NELL2: variants seen among roughly 807,000 people sequenced by gnomAD.
NELL2 encodes protein kinase C-binding protein NELL2.
NELL2 carries 41 observed loss-of-function variants against 109.6 expected under a neutral mutation model. The ratio of observed to expected loss-of-function variants is 0.37; its 90% confidence interval spans 0.29 to 0.49. The LOEUF (loss-of-function observed/expected upper bound fraction) is 0.49. Among genes scored for constraint, NELL2 ranks in the 20% least tolerant of loss-of-function variants. NELL2 has a pLI of 0.98. For synonymous variants in NELL2, 355 were observed against 344.7 expected, an observed-to-expected ratio of 1.03 and a Z score of -0.33; for missense variants, 900 against 1,008.3, an observed-to-expected ratio of 0.89 and a Z score of 1.45.
intron 3 of NELL2, among the ~76,000 whole-genome samples, chr12:44,805,116 G>A (rs745344589): frequency 5.3e-5 from 8 of 151,608 alleles, no homozygotes; most frequent in Non-Finnish European, 1.0e-4. Flanking sequence ...GATAATAGAA[G>A]ACATTAAAAA....
At chr12:44,646,737 G>A (rs917098111) in intron 13 of NELL2, among the ~76,000 whole-genome samples, 2 of 152,254 alleles carry the variant, frequency 1.3e-5, no homozygotes, top group African/African-American at 4.8e-5. Flanking sequence ...TCAACTTAAG[G>A]AAAGAAGTCA....
intron 15 of NELL2, among the ~76,000 whole-genome samples, chr12:44,577,530 AGT>A (rs1208141482): frequency 1.7e-4 from 22 of 127,230 alleles, no homozygotes; most frequent in African/African-American, 7.1e-4. Flanking sequence ...GCTGGAGTGC[AGT>A]GGCACGATGA....
At position 44,897,462 on chromosome 12, in the gene NELL2, C is replaced by T. The variant is rs192604449; in HGVS notation, c.38+16337G>A. ...CTAGTTAGACAGTGAGTGCAGCCCACGGAGGGCAAGCAGAAGCAAAGTGGG... is the reference window on the plus strand; with the variant it reads ...CTAGTTAGACAGTGAGTGCAGCCCATGGAGGGCAAGCAGAAGCAAAGTGGG... On this transcript the variant is annotated intron_variant, in intron 1 of 20. Coordinates refer to the NELL2 transcript ENST00000333837. Among the ~76,000 whole-genome samples the T allele has an allele frequency of 5.3e-5, 8 of 152,068 alleles. No individual in the cohort carries two copies. In the East Asian group the frequency reaches 1.4e-3, roughly 26 times the overall value.
At chr12:44,746,334 C>T (rs1182423837) in intron 9 of NELL2, among the ~76,000 whole-genome samples, 1 of 152,066 alleles carries the variant, frequency 6.6e-6, no homozygotes, top group African/African-American at 2.4e-5. Flanking sequence ...AGACCTAAAA[C>T]CATAAAAACC....
rs187240905 is a variant in NELL2, at chr12:44,626,176, T to C, written c.1445-15206A>G. Among the ~76,000 whole-genome samples the C allele has an allele frequency of 1.3e-4, 20 of 152,240 alleles. No individual in the cohort carries two copies. In the East Asian group the frequency reaches 3.1e-3, roughly 24 times the overall value. On this transcript the variant is annotated intron_variant, in intron 13 of 19. Coordinates refer to ENST00000429094, the MANE Select transcript of NELL2 (RefSeq NM_001145108.2). Reference sequence around the variant, plus strand: ...TTTCATACAACAAGCAGAACAATCATTTCAAAACATAAAACAGATCATGAC... The same window carrying C: ...TTTCATACAACAAGCAGAACAATCACTTCAAAACATAAAACAGATCATGAC...
At chr12:44,784,487 T>C (rs1392254699) in intron 3 of NELL2, among the ~76,000 whole-genome samples, 2 of 152,006 alleles carry the variant, frequency 1.3e-5, no homozygotes, top group East Asian at 3.9e-4. Flanking sequence ...CTGAAACTGT[T>C]CCAAACAAAA....
At chr12:44,510,708 A>G (rs1940960008) in intron 19 of NELL2, among the ~76,000 whole-genome samples, 1 of 152,156 alleles carries the variant, frequency 6.6e-6, no homozygotes, top group Non-Finnish European at 1.5e-5. Flanking sequence ...GTGGCATTTT[A>G]AAGTTTTGTC....
At position 44,870,499 on chromosome 12, in the gene NELL2, T is replaced by C. The variant is rs183044643; in HGVS notation, c.184+4726A>G. ...TTAGTGACTTAAATCAACACAAATCTATTATCTCACAGTTCTGGAGATCAG... is the reference window on the plus strand; with the variant it reads ...TTAGTGACTTAAATCAACACAAATCCATTATCTCACAGTTCTGGAGATCAG... On this transcript the variant is annotated intron_variant, in intron 2 of 19. Coordinates refer to ENST00000429094, the MANE Select transcript of NELL2 (RefSeq NM_001145108.2). 1.4e-3 allele frequency among the ~76,000 whole-genome samples: 218 copies of C among 152,292 alleles called. 1 individual carries two copies. Among genetic ancestry groups the C allele is most frequent in the African/African-American group, 5.0e-3 (206 of 41,570 alleles).
chr12:44,614,897 CA>C (rs1849854901), intron 13 of NELL2, among the ~76,000 whole-genome samples: 1 of 151,900 alleles, frequency 6.6e-6, no homozygotes, highest in South Asian at 2.1e-4. Flanking sequence ...ATATAAAATG[CA>C]AATACTTCAG....
chr12:44,651,261 A>G, intron 13 of NELL2, among the ~76,000 whole-genome samples: 1 of 152,230 alleles, frequency 6.6e-6, no homozygotes, highest in Non-Finnish European at 1.5e-5. Flanking sequence ...TAAGACACGC[A>G]GTCAATGGAA....
intron 3 of NELL2, among the ~76,000 whole-genome samples, chr12:44,790,890 T>C (rs1942357465): frequency 6.6e-6 from 1 of 150,644 alleles, no homozygotes; most frequent in African/African-American, 2.4e-5. Flanking sequence ...AAACAAACTT[T>C]AAAGCAACAG....
chr12:44,633,989 T>C (rs1486184016), intron 13 of NELL2, among the ~76,000 whole-genome samples: 1 of 152,056 alleles, frequency 6.6e-6, no homozygotes, highest in Non-Finnish European at 1.5e-5. Context: ...TATCGTAAAA[T>C]AAAATTTTAA....
chr12:44,840,567 G>T (rs1247114253), intron 2 of NELL2, among the ~76,000 whole-genome samples: 1 of 151,930 alleles, frequency 6.6e-6, no homozygotes, highest in Non-Finnish European at 1.5e-5. Context: ...AACCCGGGAG[G>T]CGGAGCTTGC....
intron 1 of NELL2, among the ~76,000 whole-genome samples, chr12:44,895,984 T>G (rs1945588765): frequency 6.6e-6 from 1 of 152,238 alleles, no homozygotes; most frequent in Non-Finnish European, 1.5e-5. Flanking sequence ...ACATGCTATA[T>G]TCTGATTATT....
At chr12:44,837,091 A>C (rs1462181524) in intron 2 of NELL2, among the ~76,000 whole-genome samples, 28 of 152,208 alleles carry the variant, frequency 1.8e-4, no homozygotes, top group Non-Finnish European at 1.0e-4. Context: ...GCATTTTATC[A>C]ATACTTGTTG....
chr12:44,868,953 T>C (rs981781111), intron 2 of NELL2, among the ~76,000 whole-genome samples: 1 of 152,224 alleles, frequency 6.6e-6, no homozygotes, highest in Non-Finnish European at 1.5e-5. Flanking sequence ...CATTCCACAA[T>C]GTATATTTCA....
chr12:44,578,058 T>G (rs1329447153), intron 15 of NELL2, among the ~76,000 whole-genome samples: 5 of 152,214 alleles, frequency 3.3e-5, no homozygotes, highest in Admixed American at 2.6e-4. Context: ...GAATACTCTG[T>G]AGTACCAAAC....
At chr12:44,631,234 A>G (rs1265672583) in intron 13 of NELL2, among the ~76,000 whole-genome samples, 3 of 147,768 alleles carry the variant, frequency 2.0e-5, no homozygotes, top group Non-Finnish European at 4.5e-5. Flanking sequence ...ATATATATAT[A>G]AATAATATAT....
At chr12:44,835,951 C>A (rs182840383) in intron 2 of NELL2, among the ~76,000 whole-genome samples, 1 of 152,266 alleles carries the variant, frequency 6.6e-6, no homozygotes, top group Non-Finnish European at 1.5e-5. Context: ...CATGCAGGAA[C>A]AACGAAGTAT....
Sources: allele counts gnomAD v4.1 joint callset (sites outside exome capture counted in the v4.1 genomes callset), GRCh38; gene constraint gnomAD v4.1.1; transcripts MANE v1.5; gene names NCBI Gene and HGNC (gene_info 2026-07-23, HGNC 2026-07-21).